The following GRIK4 variants were observed in gnomAD, a reference collection of about 807,000 sequenced individuals.
The protein encoded by GRIK4 is glutamate receptor ionotropic, kainate 4.
In GRIK4, 40 loss-of-function variants were observed where a neutral mutation model predicts 104.9. That is an observed-to-expected ratio of 0.38 (90% CI 0.30 to 0.50). The LOEUF (loss-of-function observed/expected upper bound fraction) is 0.50. Ranked by LOEUF, GRIK4 falls within the 20% of genes least tolerant of loss-of-function variation. The probability of loss-of-function intolerance (pLI) is 0.93; values close to 1 mark genes in which losing one functional copy is unlikely to be tolerated. For missense variants in GRIK4, 1,047 were observed against 1,308.1 expected (o/e 0.80, Z 3.08); for synonymous variants, 485 against 524.9 (o/e 0.92, Z 1.04).
rs1948122564 is a variant in GRIK4 at position 120,549,872 on chromosome 11, T to A, written c.-159+37985T>A. 6.6e-6 allele frequency among the ~76,000 whole-genome samples: 1 copy of A among 152,168 alleles called. No homozygotes were observed. The highest frequency in any genetic ancestry group is 2.1e-4 in the South Asian group (1 of 4,828). ...GCCCTTAGAAAAAGGCTATGCTGGA[T>A]GTTGAGATGTGAACCTGCGAGGTAG... On this transcript the variant is annotated intron_variant, in intron 1 of 20. Coordinates refer to ENST00000527524, the MANE Select transcript of GRIK4 (RefSeq NM_014619.5). This position sits in a 1 kb window ranked among gnomAD's most constrained non-coding sequence, Gnocchi z 4.7.
chr11:120,871,642 G>C (rs1244023063), intron 9 of GRIK4: 4 of 456,296 alleles, frequency 8.8e-6, no homozygotes. Context: ...AGGGGAGGCA[G>C]GAGACTCGAC....
intron 8 of GRIK4, among the ~76,000 whole-genome samples, chr11:120,854,970 C>A (rs1954066299): frequency 6.6e-6 from 1 of 152,204 alleles, no homozygotes; most frequent in Non-Finnish European, 1.5e-5. Flanking sequence ...CATACCCACT[C>A]TCTCCAGGAC....
intron 19 of GRIK4, among the ~76,000 whole-genome samples, chr11:120,980,739 C>T (rs1944637655): frequency 6.6e-6 from 1 of 152,116 alleles, no homozygotes. Flanking sequence ...GACTGTGGTC[C>T]TGCAGATCAG....
At chr11:120,629,562 C>T (rs926783956) in intron 1 of GRIK4, among the ~76,000 whole-genome samples, 1 of 152,076 alleles carries the variant, frequency 6.6e-6, no homozygotes, top group African/African-American at 2.4e-5. Flanking sequence ...TCCTCTGGGC[C>T]ACATGGGCAC....
intron 3 of GRIK4, among the ~76,000 whole-genome samples, chr11:120,748,495 C>T (rs1428981279): frequency 6.6e-6 from 1 of 152,056 alleles, no homozygotes; most frequent in Non-Finnish European, 1.5e-5. Flanking sequence ...TCCACTCTCC[C>T]CCAGGCACTG....
chr11:120,878,955 G>A (rs1855066108), intron 11 of GRIK4, among the ~76,000 whole-genome samples: 1 of 152,134 alleles, frequency 6.6e-6, no homozygotes, highest in African/African-American at 2.4e-5. Context: ...AAGGAACAGG[G>A]GAAATAACAT....
At position 120,818,312 on chromosome 11, in the gene GRIK4, C is replaced by T. The variant is rs560586869; in HGVS notation, c.346-1443C>T. 4.6e-5 allele frequency among the ~76,000 whole-genome samples: 7 copies of T among 152,370 alleles called. No individual in the cohort carries two copies. The East Asian group carries it at 1.3e-3, about 29-fold the overall frequency. On this transcript the variant is annotated intron_variant, in intron 5 of 20. Coordinates refer to ENST00000527524, the MANE Select transcript of GRIK4 (RefSeq NM_014619.5). ...CTACCCTGCCCCTGTCGGGCCTTCCCCTCTATCTTGCCCATTTGTGACCTT... is the reference window on the plus strand; with the variant it reads ...CTACCCTGCCCCTGTCGGGCCTTCCTCTCTATCTTGCCCATTTGTGACCTT...
chr11:120,888,234 A>G (rs779960168), intron 11 of GRIK4, among the ~76,000 whole-genome samples: 73 of 152,258 alleles, frequency 4.8e-4, no homozygotes, highest in South Asian at 1.5e-3. Context: ...TCCCAACCCA[A>G]TAGAATTAAT....
At chr11:120,671,825 G>T (rs1950021899) in intron 3 of GRIK4, among the ~76,000 whole-genome samples, 1 of 152,160 alleles carries the variant, frequency 6.6e-6, no homozygotes, top group South Asian at 2.1e-4. Context: ...GAATGGTATT[G>T]CCTAGGTTTT....
chr11:120,548,631 T>G (rs1948109805), intron 1 of GRIK4, among the ~76,000 whole-genome samples: 1 of 152,028 alleles, frequency 6.6e-6, no homozygotes, highest in South Asian at 2.1e-4. Context: ...TTTTGACATT[T>G]TGGGAAGAGA....
At chr11:120,681,786 G>C (rs867638971) in intron 3 of GRIK4, among the ~76,000 whole-genome samples, 16 of 152,366 alleles carry the variant, frequency 1.1e-4, no homozygotes, top group African/African-American at 2.9e-4. Context: ...ATGGGCTGGA[G>C]GGGACAGAGA....
chr11:120,746,983 A>G (rs1031886232), intron 3 of GRIK4, among the ~76,000 whole-genome samples: 1 of 152,228 alleles, frequency 6.6e-6, no homozygotes, highest in Non-Finnish European at 1.5e-5. Flanking sequence ...CTTCTGAGCC[A>G]GGGACGATGG....
At chr11:120,904,970 G>C (rs1356093666) in intron 12 of GRIK4, among the ~76,000 whole-genome samples, 1 of 152,174 alleles carries the variant, frequency 6.6e-6, no homozygotes, top group Non-Finnish European at 1.5e-5. Context: ...CTGGAATAAA[G>C]CAGGGGTAGA....
chr11:120,900,089 A>G (rs575692764), intron 12 of GRIK4, among the ~76,000 whole-genome samples: 1 of 152,300 alleles, frequency 6.6e-6, no homozygotes, highest in East Asian at 1.9e-4. Flanking sequence ...TTTCAAGGAG[A>G]GAGAGGTCCC....
Position 120,549,564 on chromosome 11 carries a change from G to T in GRIK4, c.-159+37677G>T, listed in dbSNP as rs573162271. ...CTGTAAGAGGTGAGGGCAGAGACAG[G>T]ATAGGGAGGGGCACAGCAGGCACCC... On this transcript the variant is annotated intron_variant, in intron 1 of 20. Coordinates refer to ENST00000527524, the MANE Select transcript of GRIK4 (RefSeq NM_014619.5). This position sits in a 1 kb window ranked among gnomAD's most constrained non-coding sequence, Gnocchi z 4.7. 6.6e-6 allele frequency among the ~76,000 whole-genome samples: 1 copy of T among 152,336 alleles called. No individual in the cohort carries two copies. The highest frequency in any genetic ancestry group is 1.9e-4 in the East Asian group (1 of 5,182).
In GRIK4 at chr11:120,513,721, C is replaced by T. The variant is rs192173057; in HGVS notation, c.-159+1834C>T. On this transcript the variant is annotated intron_variant, in intron 1 of 20. Coordinates refer to ENST00000527524, the MANE Select transcript of GRIK4 (RefSeq NM_014619.5). This position sits in a 1 kb window ranked among gnomAD's most constrained non-coding sequence, Gnocchi z 4.5. ...CTCACCAGCTCCACCCCTCTGTCCT[C>T]CTCTGGACCTGCCACCTGAAACCCA... 6.6e-6 allele frequency among the ~76,000 whole-genome samples: 1 copy of T among 152,326 alleles called. No homozygotes were observed. The highest frequency in any genetic ancestry group is 1.9e-4 in the East Asian group (1 of 5,180).
At chr11:120,817,972 A>G (rs1186802429) in intron 5 of GRIK4, among the ~76,000 whole-genome samples, 2 of 152,244 alleles carry the variant, frequency 1.3e-5, no homozygotes, top group Non-Finnish European at 2.9e-5. Context: ...GAGCTCTAAG[A>G]AGCACCTGTG....
chr11:120,964,257 G>A (rs1004836752), intron 18 of GRIK4, among the ~76,000 whole-genome samples: 3 of 152,136 alleles, frequency 2.0e-5, no homozygotes, highest in Non-Finnish European at 4.4e-5. Flanking sequence ...CTCCCAAAGT[G>A]CTGGGATTAC....
At chr11:120,794,136 A>AGCG (rs1565356273) in intron 3 of GRIK4, among the ~76,000 whole-genome samples, 1 of 124,120 alleles carries the variant, frequency 8.1e-6, no homozygotes, top group African/African-American at 3.6e-5. Context: ...AGGTGAGGGA[A>AGCG]GTTGTTAGGG....
Sources: gnomAD v4.1 joint callset for allele counts (sites outside exome capture counted in the v4.1 genomes callset) on GRCh38, gnomAD v4.1.1 for gene constraint, Gnocchi (gnomAD v3.1) non-coding constraint, MANE v1.5 for transcripts, NCBI Gene and HGNC (gene_info 2026-07-23, HGNC 2026-07-21) for gene names.